Variants in FARS2 observed in about 807,000 individuals in gnomAD.
FARS2 encodes phenylalanyl-tRNA synthetase 2, mitochondrial, also known as phenylalanine--tRNA ligase, mitochondrial.
FARS2 carries 40 observed loss-of-function variants against 46.4 expected under a neutral mutation model. The ratio of observed to expected loss-of-function variants is 0.86; its 90% CI spans 0.67 to 1.12. The LOEUF (loss-of-function observed/expected upper bound fraction) is 1.12, where lower values mean the gene tolerates loss of function less well. Ranked by LOEUF, FARS2 falls within the 50% of genes most tolerant of loss-of-function variation. The probability of loss-of-function intolerance (pLI) is 0.00; values close to 1 mark genes in which losing one functional copy is unlikely to be tolerated. For synonymous variants in FARS2, 234 were observed against 214.9 expected, an observed-to-expected ratio of 1.09 and a Z score of -0.78; for missense variants, 513 against 567.9, an observed-to-expected ratio of 0.90 and a Z score of 0.98.
chr6:5,425,909 G>A (rs534437278), intron 3 of FARS2, among the ~76,000 whole-genome samples: 1 of 152,164 alleles, frequency 6.6e-6, no homozygotes, highest in Non-Finnish European at 1.5e-5. Flanking sequence ...CTGGGTGAGG[G>A]CAATCATTAT....
chr6:5,667,635 AATC>A (rs1778212371), intron 6 of FARS2, among the ~76,000 whole-genome samples: 1 of 152,234 alleles, frequency 6.6e-6, no homozygotes, highest in African/African-American at 2.4e-5. Flanking sequence ...CCCTTAAGAA[AATC>A]ACTATCAGTA....
chr6:5,692,637 A>T (rs892370030), intron 6 of FARS2, among the ~76,000 whole-genome samples: 20 of 152,238 alleles, frequency 1.3e-4, no homozygotes, highest in Non-Finnish European at 1.5e-5. Flanking sequence ...TAAAAATCTT[A>T]ATCTGTTTAT....
At chr6:5,424,326 T>G (rs973143065) in intron 3 of FARS2, among the ~76,000 whole-genome samples, 8 of 152,208 alleles carry the variant, frequency 5.3e-5, no homozygotes, top group Non-Finnish European at 1.2e-4. Flanking sequence ...CATTTACTCT[T>G]CAACTCAACA....
intron 4 of FARS2, among the ~76,000 whole-genome samples, chr6:5,470,042 A>C (rs904720486): frequency 2.0e-5 from 3 of 152,226 alleles, no homozygotes; most frequent in Non-Finnish European, 4.4e-5. Flanking sequence ...GACACAATAA[A>C]ACTTCAATGA....
chr6:5,747,657 G>A (rs959758943), intron 6 of FARS2, among the ~76,000 whole-genome samples: 2 of 152,232 alleles, frequency 1.3e-5, no homozygotes, highest in African/African-American at 4.8e-5. Context: ...ATGGATGGAG[G>A]TGAATGGATG....
At chr6:5,494,316 A>G (rs1037659521) in intron 4 of FARS2, among the ~76,000 whole-genome samples, 2 of 152,092 alleles carry the variant, frequency 1.3e-5, no homozygotes, top group African/African-American at 4.8e-5. Context: ...CCATCCACCC[A>G]TCCTTTAGTT....
intron 6 of FARS2, among the ~76,000 whole-genome samples, chr6:5,662,406 T>C (rs1777892666): frequency 6.6e-6 from 1 of 152,180 alleles, no homozygotes; most frequent in Admixed American, 6.5e-5. Context: ...TATGTTAAAC[T>C]CACTAAAACA....
At chr6:5,579,444 T>C (rs573529394) in intron 5 of FARS2, among the ~76,000 whole-genome samples, 1 of 152,188 alleles carries the variant, frequency 6.6e-6, no homozygotes, top group East Asian at 1.9e-4. Context: ...CAGCTAATTT[T>C]TGTATTTTTA....
chr6:5,686,378 G>T (rs989478512), intron 6 of FARS2, among the ~76,000 whole-genome samples: 1 of 150,780 alleles, frequency 6.6e-6, no homozygotes, highest in Non-Finnish European at 1.5e-5. Context: ...ACAGGCCCCA[G>T]TGTGTGATGT....
intron 4 of FARS2, among the ~76,000 whole-genome samples, chr6:5,463,789 A>G (rs562607896): frequency 1.2e-3 from 188 of 152,026 alleles, no homozygotes; most frequent in African/African-American, 4.1e-3. Flanking sequence ...GATTCTGCAT[A>G]GTGAGTCCCT....
intron 2 of FARS2, among the ~76,000 whole-genome samples, chr6:5,380,675 A>G (rs1166045148): frequency 1.3e-5 from 2 of 152,146 alleles, no homozygotes; most frequent in East Asian, 3.8e-4. Flanking sequence ...CACAAATGTA[A>G]AAGACTACAC....
intron 4 of FARS2, among the ~76,000 whole-genome samples, chr6:5,460,398 A>G (rs1054566343): frequency 6.6e-6 from 1 of 152,242 alleles, no homozygotes; most frequent in Admixed American, 6.5e-5. Context: ...TTGGAGGGCC[A>G]GAAACCACAC....
chr6:5,503,354 G>A (rs1348779904), intron 4 of FARS2, among the ~76,000 whole-genome samples: 1 of 147,680 alleles, frequency 6.8e-6, no homozygotes, highest in South Asian at 2.1e-4. Flanking sequence ...ATTGCTAAGA[G>A]TAGATTTTAG....
chr6:5,352,065 A>G (rs1050549239), intron 1 of FARS2, among the ~76,000 whole-genome samples: 13 of 151,990 alleles, frequency 8.6e-5, no homozygotes, highest in African/African-American at 3.1e-4. Context: ...CCTGTGGCCC[A>G]GGATGGCTTT....
At chr6:5,566,001 AG>A (rs1772302282) in intron 5 of FARS2, among the ~76,000 whole-genome samples, 1 of 152,202 alleles carries the variant, frequency 6.6e-6, no homozygotes, top group African/African-American at 2.4e-5. Context: ...TTTGACCATG[AG>A]GTGAAATCTT....
chr6:5,332,827 G>T lies in FARS2; in HGVS notation c.-21-35723G>T, dbSNP rs1387868374. On this transcript the variant is annotated intron_variant, in intron 1 of 6. Transcript: ENST00000274680. ...ATAGGGCAAACGCTTTCATGGGAGG[G>T]TCATTAGAATCAAGACAAGGATGAA... Among the ~76,000 whole-genome samples, 8 of 152,302 alleles carry T rather than the reference G, an allele frequency of 5.3e-5. No individual in the cohort carries two copies. In the East Asian group the frequency reaches 1.2e-3, roughly 22 times the overall value.
the FARS2 span, among the ~76,000 whole-genome samples, chr6:5,255,803 C>G: frequency 1.3e-5 from 2 of 152,178 alleles, no homozygotes; most frequent in East Asian, 3.9e-4. Flanking sequence ...GCCTCAGATG[C>G]CTAGCACCCC....
chr6:5,309,930 G>A (rs1768973741), intron 1 of FARS2, among the ~76,000 whole-genome samples: 1 of 152,200 alleles, frequency 6.6e-6, no homozygotes, highest in Non-Finnish European at 1.5e-5. Flanking sequence ...GGGGCAACTT[G>A]ACTTACTGGA....
At chr6:5,270,003 A>G (rs1194394969) in intron 1 of FARS2, among the ~76,000 whole-genome samples, 1 of 152,246 alleles carries the variant, frequency 6.6e-6, no homozygotes, top group Non-Finnish European at 1.5e-5. Context: ...ACAATATTTA[A>G]GAGTTATAAA....
Sources: allele counts gnomAD v4.1 joint callset (sites outside exome capture counted in the v4.1 genomes callset), GRCh38; gene constraint gnomAD v4.1.1; transcripts MANE v1.5; gene names NCBI Gene and HGNC (gene_info 2026-07-23, HGNC 2026-07-21).